The following CADPS2 variants were observed in gnomAD, a reference collection of about 807,000 sequenced individuals.
CADPS2 encodes calcium-dependent secretion activator 2.
CADPS2 carries 93 observed loss-of-function variants against 172.5 expected under a neutral mutation model. That is an observed-to-expected ratio of 0.54 (90% CI 0.46 to 0.64). The LOEUF (loss-of-function observed/expected upper bound fraction) is 0.64. Among genes scored for constraint, CADPS2 ranks in the 30% least tolerant of loss-of-function variants. CADPS2 has a pLI of 0.00. For synonymous variants in CADPS2, 546 were observed against 555.2 expected, an observed-to-expected ratio of 0.98 and a Z score of 0.23; for missense variants, 1,420 against 1,565.9, an observed-to-expected ratio of 0.91 and a Z score of 1.57.
At chr7:122,750,673 A>G (rs1194975295) in intron 1 of CADPS2, among the ~76,000 whole-genome samples, 1 of 152,186 alleles carries the variant, frequency 6.6e-6, no homozygotes, top group Non-Finnish European at 1.5e-5. Context: ...GACATGTGTG[A>G]TCATTTTTAA....
chr7:122,402,910 A>G (rs1271344263), intron 20 of CADPS2, among the ~76,000 whole-genome samples: 1 of 152,178 alleles, frequency 6.6e-6, no homozygotes, highest in Non-Finnish European at 1.5e-5. Context: ...TCGAATTTAG[A>G]CAATAACTCT....
chr7:122,658,296 T>C (rs1172581477), intron 3 of CADPS2, among the ~76,000 whole-genome samples: 2 of 152,230 alleles, frequency 1.3e-5, no homozygotes, highest in African/African-American at 4.8e-5. Flanking sequence ...TTGGTGGGAC[T>C]GTAAACTAGT....
At chr7:122,673,158 CG>C (rs540651468) in intron 2 of CADPS2, among the ~76,000 whole-genome samples, 91 of 152,286 alleles carry the variant, frequency 6.0e-4, no homozygotes, top group African/African-American at 2.0e-3. Context: ...CTCTTAAAGG[CG>C]GTGCGGACCC....
At chr7:122,376,822 T>G (rs2042420824) in intron 25 of CADPS2, among the ~76,000 whole-genome samples, 1 of 152,146 alleles carries the variant, frequency 6.6e-6, no homozygotes, top group Non-Finnish European at 1.5e-5. Context: ...CTTATATGGT[T>G]GTATACTTAC....
intron 1 of CADPS2, among the ~76,000 whole-genome samples, chr7:122,801,641 A>G (rs1797673510): frequency 6.6e-6 from 1 of 152,208 alleles, no homozygotes; most frequent in Admixed American, 6.5e-5. Context: ...CAGTAAATGC[A>G]ATGAGAAAAG....
intron 24 of CADPS2, among the ~76,000 whole-genome samples, chr7:122,383,901 C>A (rs1345033628): frequency 6.6e-6 from 1 of 152,088 alleles, no homozygotes; most frequent in African/African-American, 2.4e-5. Flanking sequence ...CCAAGTAGGG[C>A]CCCTTGCTCC....
intron 8 of CADPS2, among the ~76,000 whole-genome samples, chr7:122,551,861 T>C (rs986398298): frequency 1.3e-5 from 2 of 152,206 alleles, no homozygotes; most frequent in Non-Finnish European, 2.9e-5. Context: ...CTTTGGTGTA[T>C]GATGGAATAC....
intron 2 of CADPS2, among the ~76,000 whole-genome samples, chr7:122,699,313 G>C (rs1033474245): frequency 2.0e-5 from 3 of 152,090 alleles, no homozygotes; most frequent in Non-Finnish European, 2.9e-5. Flanking sequence ...AATGGTAGTA[G>C]ATAGCACATT....
At chr7:122,554,775 T>A (rs568817250) in intron 7 of CADPS2, 86 bp from the exon 8 acceptor site, 11 of 1,245,828 alleles carry the variant, frequency 8.8e-6, no homozygotes, top group African/African-American at 6.2e-5. Flanking sequence ...GTTTTCCTGT[T>A]TGAAAAAATG....
intron 14 of CADPS2, among the ~76,000 whole-genome samples, chr7:122,462,563 A>G (rs762719004): frequency 6.6e-6 from 1 of 152,196 alleles, no homozygotes; most frequent in Non-Finnish European, 1.5e-5. Flanking sequence ...AAATGGACCA[A>G]ACTAATTAAA....
chr7:122,575,686 C>T (rs34279868), intron 7 of CADPS2, among the ~76,000 whole-genome samples: 14,887 of 152,172 alleles, frequency 0.098, 856 homozygotes, highest in African/African-American at 0.15. Context: ...ATCTGCCTGC[C>T]TCGGCCTCCC....
At chr7:122,618,525 A>T (rs956645196) in intron 5 of CADPS2, among the ~76,000 whole-genome samples, 2 of 152,176 alleles carry the variant, frequency 1.3e-5, no homozygotes, top group Non-Finnish European at 2.9e-5. Flanking sequence ...GGGTGGGAGC[A>T]ATTTTAAAGA....
chr7:122,741,258 A>T (rs138472643), intron 1 of CADPS2, among the ~76,000 whole-genome samples: 34 of 152,326 alleles, frequency 2.2e-4, no homozygotes, highest in African/African-American at 7.2e-4. Flanking sequence ...CCACTCACAT[A>T]GAAAATGGAT....
intron 1 of CADPS2, among the ~76,000 whole-genome samples, chr7:122,794,717 T>C (rs568481062): frequency 4.8e-5 from 7 of 145,570 alleles, no homozygotes; most frequent in Non-Finnish European, 7.5e-5. Flanking sequence ...TAATCAGAAG[T>C]AAAACACTCC....
chr7:122,642,502 A>ATGTAATTAAGAATGTAATACAATTAAG (rs1194232299), intron 3 of CADPS2, among the ~76,000 whole-genome samples: 1 of 151,714 alleles, frequency 6.6e-6, no homozygotes, highest in African/African-American at 2.4e-5. Flanking sequence ...ACAATTAAGA[A>ATGTAATTAAGAATGTAATACAATTAAG]AATGTTAAAC....
At chr7:122,496,903 A>T (rs1563511471) in intron 9 of CADPS2, among the ~76,000 whole-genome samples, 1 of 152,152 alleles carries the variant, frequency 6.6e-6, no homozygotes, top group African/African-American at 2.4e-5. Context: ...AAGTATTGAG[A>T]AATGTTAAAA....
chr7:122,369,420 T>C (rs151237410), intron 25 of CADPS2, among the ~76,000 whole-genome samples: 2,347 of 152,204 alleles, frequency 0.015, 30 homozygotes, highest in Non-Finnish European at 0.024. Flanking sequence ...CGTGAGCCAC[T>C]GCGCCCAGTC....
intron 1 of CADPS2, among the ~76,000 whole-genome samples, chr7:122,869,994 GA>G (rs1460593503): frequency 6.6e-6 from 1 of 151,960 alleles, no homozygotes; most frequent in East Asian, 1.9e-4. Flanking sequence ...ATACCATAGA[GA>G]AATCCTCAAA....
intron 25 of CADPS2, among the ~76,000 whole-genome samples, chr7:122,363,663 C>T (rs12538206): frequency 0.37 from 56,225 of 151,216 alleles, 10,958 homozygotes; most frequent in Non-Finnish European, 0.41. Flanking sequence ...ACAGCTATCC[C>T]GCCCACCTTA....
Sources: allele counts gnomAD v4.1 joint callset (sites outside exome capture counted in the v4.1 genomes callset), GRCh38; gene constraint gnomAD v4.1.1; transcripts MANE v1.5; gene names NCBI Gene and HGNC (gene_info 2026-07-23, HGNC 2026-07-21).